The following METAP2 variants were observed in gnomAD, a reference collection of about 807,000 sequenced individuals.
The protein encoded by METAP2 is methionine aminopeptidase 2.
Under a neutral mutation model 59.4 loss-of-function variants are expected in METAP2, and 25 were observed. The ratio of observed to expected loss-of-function variants is 0.42; its 90% CI spans 0.31 to 0.59. METAP2 has a LOEUF of 0.59. Among genes scored for constraint, METAP2 ranks in the 20% least tolerant of loss-of-function variants. METAP2 has a pLI of 0.16. For missense variants in METAP2, 366 were observed against 581.2 expected (o/e 0.63, Z 3.81); for synonymous variants, 214 against 194.1 (o/e 1.10, Z -0.85).
intron 7 of METAP2, among the ~76,000 whole-genome samples, chr12:95,503,243 C>T (rs1041055199): frequency 1.3e-5 from 2 of 152,070 alleles, no homozygotes; most frequent in African/African-American, 4.8e-5. Flanking sequence ...GTTTTTCATT[C>T]TTGTAACCAA....
Position 95,511,887 on chromosome 12 carries a change from T to C in METAP2, c.965-8T>C. 1 of 1,584,896 alleles carries C rather than the reference T, an allele frequency of 6.3e-7. No individual in the cohort carries two copies. The highest frequency in any genetic ancestry group is 1.7e-4 in the Middle Eastern group (1 of 5,984). ...GAATGACTTTTATTTCCCTATTTTT[T>C]ATAACAGTGAAACCAATCCGTAATC... On this transcript the variant is annotated splice_region_variant and splice_polypyrimidine_tract_variant and intron_variant, in intron 8 of 10. Transcript: ENST00000323666.
In METAP2 at chr12:95,492,556, A is replaced by G. The variant is rs150036919; in HGVS notation, c.429-1500A>G. On this transcript the variant is annotated intron_variant, in intron 4 of 10. Coordinates refer to ENST00000323666, the MANE Select transcript of METAP2 (RefSeq NM_006838.4). ...TCTTTTTTCTTTATTATTTATTTTTATTTTTTATTTTTTATTTTATGTTTT... is the reference window on the plus strand; with the variant it reads ...TCTTTTTTCTTTATTATTTATTTTTGTTTTTTATTTTTTATTTTATGTTTT... 1.3e-3 allele frequency among the ~76,000 whole-genome samples: 199 copies of G among 151,456 alleles called. 2 individuals carry two copies. The highest frequency in any genetic ancestry group is 1.6e-3 in the East Asian group (8 of 5,154).
At chr12:95,506,575 A>G (rs2140163007) in intron 8 of METAP2, among the ~76,000 whole-genome samples, 1 of 152,214 alleles carries the variant, frequency 6.6e-6, no homozygotes, top group African/African-American at 2.4e-5. Flanking sequence ...CTGGGATTAC[A>G]GGCATGAGTC....
At chr12:95,485,660 A>G in intron 3 of METAP2, 1 of 423,092 alleles carries the variant, frequency 2.4e-6, no homozygotes, top group Non-Finnish European at 4.2e-6. Flanking sequence ...TTAAATACAT[A>G]ATGGAGTTCT....
Position 95,486,060 on chromosome 12 carries a change from A to T in METAP2, c.428+79A>T. The T allele has an allele frequency of 2.9e-6, 3 of 1,019,524 alleles. No homozygotes were observed. The South Asian group carries it at 4.6e-5, about 15-fold the overall frequency. 63.2% of individuals were successfully genotyped at this position (1,019,524 alleles called of 1,614,324 possible). A position where few individuals can be genotyped will look rare whatever the true frequency, so the allele number is the denominator to read the frequency against. On this transcript the variant is annotated intron_variant, in intron 4 of 10. Coordinates refer to ENST00000323666, the MANE Select transcript of METAP2 (RefSeq NM_006838.4). ...ATAAAGCAGATTTGACATTTCTCAG[A>T]ACTTTGCTCCACTACTTTAATAAAT...
At chr12:95,511,389 GTTTTTTTTTTTTTTT>G (rs11301070) in intron 8 of METAP2, among the ~76,000 whole-genome samples, 2 of 61,118 alleles carry the variant, frequency 3.3e-5, no homozygotes, top group African/African-American at 1.3e-4. Flanking sequence ...TTCTAGCACC[GTTTTTTTTTTTTTTT>G]TTTTTTTTTG....
intron 7 of METAP2, among the ~76,000 whole-genome samples, chr12:95,499,843 AC>A (rs1298222034): frequency 6.6e-6 from 1 of 152,120 alleles, no homozygotes; most frequent in African/African-American, 2.4e-5. Context: ...GAAAGCAAAG[AC>A]CTTCTTCACA....
At chr12:95,479,981 C>T (rs1037058704) in intron 2 of METAP2, among the ~76,000 whole-genome samples, 3 of 152,184 alleles carry the variant, frequency 2.0e-5, no homozygotes, top group Admixed American at 6.5e-5. Flanking sequence ...ACTACTACCA[C>T]GACGGAAGAT....
chr12:95,476,862 C>G (rs2076123606), intron 2 of METAP2, among the ~76,000 whole-genome samples: 1 of 152,178 alleles, frequency 6.6e-6, no homozygotes, highest in Admixed American at 6.5e-5. Flanking sequence ...TTTAACCTCA[C>G]AAAACCAAGC....
rs115199129 is a variant in METAP2, at chr12:95,508,780, G to A, written c.965-3115G>A. Reference sequence around the variant, plus strand: ...CATAATAATTCCAGCCTGCAACATCGGGATTTTTAATATCTACCCTTTTAC... The same window carrying A: ...CATAATAATTCCAGCCTGCAACATCAGGATTTTTAATATCTACCCTTTTAC... On this transcript the variant is annotated intron_variant, in intron 8 of 10. Transcript: ENST00000323666. Among the ~76,000 whole-genome samples, 700 of 152,182 alleles carry A rather than the reference G, an allele frequency of 4.6e-3. 7 individuals carry two copies. Among genetic ancestry groups the A allele is most frequent in the African/African-American group, 0.016 (669 of 41,496 alleles).
intron 4 of METAP2, among the ~76,000 whole-genome samples, chr12:95,487,616 C>A (rs1312345710): frequency 1.4e-5 from 2 of 147,376 alleles, no homozygotes; most frequent in African/African-American, 5.0e-5. Context: ...TGCTTGTTCC[C>A]TCTTCTTTTC....
intron 7 of METAP2, among the ~76,000 whole-genome samples, chr12:95,496,860 T>C (rs2076279354): frequency 6.8e-6 from 1 of 146,914 alleles, no homozygotes; most frequent in African/African-American, 2.5e-5. Context: ...AGTCTTACTC[T>C]GTTGCCCAGG....
At position 95,512,849 on chromosome 12, in the gene METAP2, G is replaced by A. The variant is rs779606861; in HGVS notation, c.1117G>A (p.Val373Ile). 2 of 1,613,158 alleles carry A rather than the reference G, an allele frequency of 1.2e-6. No individual in the cohort carries two copies. Among genetic ancestry groups the A allele is most frequent in the South Asian group, 1.1e-5 (1 of 91,000 alleles). Residue 373 changes from valine to isoleucine, a missense_variant, in exon 10 of 11, where the codon GTT becomes ATT. This residue lies in a region of METAP2 where 82 missense variants were observed against 156.2 expected (regional missense o/e 0.52). Coordinates refer to ENST00000323666, the MANE Select transcript of METAP2 (RefSeq NM_006838.4). Reference protein sequence around the residue: ...IETFGSTGKGVVHDDMECSHY... With the variant: ...IETFGSTGKGIVHDDMECSHY... Reference sequence around the variant, plus strand: ...AACCTTTGGTAGTACAGGAAAAGGTGTTGTTCATGATGATATGGAATGTTC... The same window carrying A: ...AACCTTTGGTAGTACAGGAAAAGGTATTGTTCATGATGATATGGAATGTTC...
rs183839411 is a variant in METAP2 at position 95,508,203 on chromosome 12, T to G, written c.965-3692T>G. Among the ~76,000 whole-genome samples, 18 of 152,344 alleles carry G rather than the reference T, an allele frequency of 1.2e-4. No individual in the cohort carries two copies. In the East Asian group the frequency reaches 3.5e-3, roughly 29 times the overall value. ...TAGTAAGGGTAAACATACTTTTCTT[T>G]GTATCCTAGCCAAAGCCATAAGGAA... On this transcript the variant is annotated intron_variant, in intron 8 of 10. Coordinates refer to ENST00000323666, the MANE Select transcript of METAP2 (RefSeq NM_006838.4).
chr12:95,483,191 T>C (rs914822729), intron 2 of METAP2, 24 bp from the exon 3 acceptor site: 8 of 1,585,504 alleles, frequency 5.0e-6, no homozygotes, highest in Non-Finnish European at 6.1e-6. Context: ...TAAATGAACA[T>C]GTACTTGAAA....
At chr12:95,479,010 A>G (rs1409667719) in intron 2 of METAP2, among the ~76,000 whole-genome samples, 1 of 152,136 alleles carries the variant, frequency 6.6e-6, no homozygotes, top group Non-Finnish European at 1.5e-5. Context: ...GGGCTTCAGT[A>G]TGCTACGAAA....
In METAP2 at chr12:95,512,685, C is replaced by G. The variant is rs12307385; in HGVS notation, c.1069-116C>G. On this transcript the variant is annotated intron_variant, in intron 9 of 10. Coordinates refer to ENST00000323666, the MANE Select transcript of METAP2 (RefSeq NM_006838.4). ...CAAGATCTCACCACTGCACTCCAGC[C>G]TGGCAGCAGAGAGAGACTCTGTCTC... 720 of 626,180 alleles carry G rather than the reference C, an allele frequency of 1.1e-3. 2 individuals carry two copies. The African/African-American group carries it at 0.012, about 10-fold the overall frequency. The allele number at this position is 626,180 out of a possible 1,614,324, so 38.8% of individuals were successfully genotyped here. A position where few individuals can be genotyped will look rare whatever the true frequency, so the allele number is the denominator to read the frequency against.
At chr12:95,480,425 T>A (rs1291634383) in intron 2 of METAP2, among the ~76,000 whole-genome samples, 1 of 152,228 alleles carries the variant, frequency 6.6e-6, no homozygotes, top group African/African-American at 2.4e-5. Context: ...AGTATGTGTT[T>A]AAACTCCTAA....
chr12:95,477,389 C>T (rs2076128358), intron 2 of METAP2, among the ~76,000 whole-genome samples: 1 of 152,280 alleles, frequency 6.6e-6, no homozygotes, highest in East Asian at 1.9e-4. Context: ...CTGTGTCCGG[C>T]CTGTTCCTTT....
Sources: gnomAD v4.1 joint callset for allele counts (sites outside exome capture counted in the v4.1 genomes callset) on GRCh38, gnomAD v4.1.1 for gene constraint, gnomAD v4.1.1 regional missense constraint, MANE v1.5 for transcripts, NCBI Gene and HGNC (gene_info 2026-07-23, HGNC 2026-07-21) for gene names.